The following MBNL2 variants were observed in gnomAD, a reference collection of about 807,000 sequenced individuals.
The protein encoded by MBNL2 is muscleblind like splicing regulator 2.
Under a neutral mutation model 41.9 loss-of-function variants are expected in MBNL2, and 17 were observed. The observed-to-expected ratio is 0.41, with a 90% CI of 0.28 to 0.61. The LOEUF is 0.61. Ranked by LOEUF, MBNL2 falls within the 20% of genes least tolerant of loss-of-function variation. MBNL2 has a pLI of 0.35. For missense variants in MBNL2, 336 were observed against 505.6 expected, an observed-to-expected ratio of 0.66 and a Z score of 3.22; for synonymous variants, 195 against 182.9, an observed-to-expected ratio of 1.07 and a Z score of -0.53.
chr13:97,205,190 A>C, the MBNL2 span, among the ~76,000 whole-genome samples: 1 of 145,082 alleles, frequency 6.9e-6, no homozygotes, highest in Non-Finnish European at 1.5e-5. Context: ...AATTATATAT[A>C]TATAAATATA....
intron 1 of MBNL2, among the ~76,000 whole-genome samples, chr13:97,272,141 C>G (rs776195646): frequency 3.3e-4 from 50 of 152,118 alleles, no homozygotes; most frequent in Non-Finnish European, 6.6e-4. Flanking sequence ...GATGGTATCT[C>G]ATTGTGGTTT....
intron 2 of MBNL2, among the ~76,000 whole-genome samples, chr13:97,302,444 A>G (rs936421801): frequency 2.0e-5 from 3 of 152,354 alleles, no homozygotes; most frequent in African/African-American, 7.2e-5. Context: ...CTCTCTGAGT[A>G]GGAAAATGAT....
chr13:97,207,123 G>A, the MBNL2 span, among the ~76,000 whole-genome samples: 2 of 152,114 alleles, frequency 1.3e-5, no homozygotes, highest in African/African-American at 4.8e-5. Flanking sequence ...CAGCTAAAGT[G>A]CTAGAGAAAA....
chr13:97,151,419 A>G, the MBNL2 span, among the ~76,000 whole-genome samples: 1 of 152,160 alleles, frequency 6.6e-6, no homozygotes, highest in South Asian at 2.1e-4. Context: ...GAGGGGTTCT[A>G]GCATGGGAAA....
chr13:97,381,545 T>C (rs981212574), intron 8 of MBNL2, among the ~76,000 whole-genome samples: 1 of 151,942 alleles, frequency 6.6e-6, no homozygotes, highest in Non-Finnish European at 1.5e-5. Context: ...GAATCTTCAA[T>C]TTATTACTGG....
At chr13:97,350,329 C>T (rs1428476752) in intron 5 of MBNL2, among the ~76,000 whole-genome samples, 1 of 152,074 alleles carries the variant, frequency 6.6e-6, no homozygotes, top group African/African-American at 2.4e-5. Context: ...GGTCTTGCCT[C>T]GATGTTGATG....
chr13:97,366,922 T>A lies in MBNL2; in HGVS notation c.1048+1751T>A, dbSNP rs926740949. On this transcript the variant is annotated intron_variant, in intron 8 of 8. Transcript: ENST00000679496. This position sits in a 1 kb window ranked among gnomAD's most constrained non-coding sequence, Gnocchi z 4.7. ...AAAACTGGCTATATTTTAATTCGGT[T>A]CATTCAGACCCTATCATCTGTGTGG... Among the ~76,000 whole-genome samples, 1 of 152,176 alleles carries A rather than the reference T, an allele frequency of 6.6e-6. No individual in the cohort carries two copies. Among genetic ancestry groups the A allele is most frequent in the Non-Finnish European group, 1.5e-5 (1 of 68,014 alleles).
At chr13:97,204,233 A>T in the MBNL2 span, among the ~76,000 whole-genome samples, 1 of 152,178 alleles carries the variant, frequency 6.6e-6, no homozygotes, top group African/African-American at 2.4e-5. Flanking sequence ...TTCTCAACGC[A>T]GTGAGCCCCA....
chr13:97,371,575 G>A (rs1020991718), intron 8 of MBNL2, among the ~76,000 whole-genome samples: 1 of 151,948 alleles, frequency 6.6e-6, no homozygotes, highest in Non-Finnish European at 1.5e-5. Context: ...TAAAGGGTTC[G>A]GCCCTGACTT....
At chr13:97,297,892 T>C (rs2057224864) in intron 2 of MBNL2, among the ~76,000 whole-genome samples, 1 of 152,072 alleles carries the variant, frequency 6.6e-6, no homozygotes, top group African/African-American at 2.4e-5. Flanking sequence ...TGCTAAACTA[T>C]AGCTAGAGCA....
At chr13:97,301,454 G>T (rs2153001464) in intron 2 of MBNL2, among the ~76,000 whole-genome samples, 1 of 152,330 alleles carries the variant, frequency 6.6e-6, no homozygotes, top group African/African-American at 2.4e-5. Flanking sequence ...GTGTCTTGGA[G>T]CATTTCAGGC....
At chr13:97,186,956 A>G in the MBNL2 span, among the ~76,000 whole-genome samples, 1 of 152,312 alleles carries the variant, frequency 6.6e-6, no homozygotes, top group Non-Finnish European at 1.5e-5. Flanking sequence ...CCAAGTGATC[A>G]CTCAATGACT....
At chr13:97,157,219 G>T in the MBNL2 span, among the ~76,000 whole-genome samples, 6 of 142,470 alleles carry the variant, frequency 4.2e-5, no homozygotes, top group African/African-American at 1.3e-4. Context: ...GTATAGGAAT[G>T]CTTGTGATTT....
chr13:97,363,324 C>T (rs1278816544), intron 7 of MBNL2, among the ~76,000 whole-genome samples: 1 of 151,692 alleles, frequency 6.6e-6, no homozygotes, highest in Non-Finnish European at 1.5e-5. Flanking sequence ...TGAAAAGGAC[C>T]CAAGACTGAG....
intron 4 of MBNL2, among the ~76,000 whole-genome samples, chr13:97,343,579 A>C (rs1053702434): frequency 1.3e-5 from 2 of 152,180 alleles, no homozygotes; most frequent in Admixed American, 6.5e-5. Flanking sequence ...AAGACCCTGG[A>C]AAGTTCTGGA....
At chr13:97,288,737 G>A (rs1394654734) in intron 2 of MBNL2, among the ~76,000 whole-genome samples, 2 of 152,148 alleles carry the variant, frequency 1.3e-5, no homozygotes, top group Non-Finnish European at 2.9e-5. Context: ...ATAGTCCAGT[G>A]TATATTAGTC....
intron 1 of MBNL2, among the ~76,000 whole-genome samples, chr13:97,235,019 C>T (rs2043011203): frequency 1.3e-5 from 2 of 152,196 alleles, no homozygotes; most frequent in African/African-American, 4.8e-5. Flanking sequence ...GGATTTTCTC[C>T]CTCAGTTCCG....
intron 1 of MBNL2, among the ~76,000 whole-genome samples, chr13:97,256,346 TA>T (rs1418536797): frequency 6.6e-6 from 1 of 150,950 alleles, no homozygotes; most frequent in East Asian, 1.9e-4. Context: ...GGATTTTTTT[TA>T]ATCAATTTTT....
intron 8 of MBNL2, among the ~76,000 whole-genome samples, chr13:97,383,782 A>C (rs2065692200): frequency 6.6e-6 from 1 of 152,200 alleles, no homozygotes; most frequent in African/African-American, 2.4e-5. Flanking sequence ...TTTGAAAATA[A>C]GTCAAATATG....
Sources: allele counts gnomAD v4.1 joint callset (sites outside exome capture counted in the v4.1 genomes callset), GRCh38; gene constraint gnomAD v4.1.1; non-coding constraint Gnocchi (gnomAD v3.1); transcripts MANE v1.5; gene names NCBI Gene and HGNC (gene_info 2026-07-23, HGNC 2026-07-21).